Variants in TTC28 observed in about 807,000 individuals in gnomAD.
TTC28 encodes tetratricopeptide repeat protein 28.
In TTC28, 61 loss-of-function variants were observed where a neutral mutation model predicts 198.0. That is an observed-to-expected ratio of 0.31 (90% CI 0.25 to 0.38). The LOEUF is 0.38. TTC28 is among the 10% of genes least tolerant of loss of function. TTC28 has a pLI of 1.00. For missense variants in TTC28, 2,678 were observed against 3,164.0 expected, an observed-to-expected ratio of 0.85 and a Z score of 3.69; for synonymous variants, 1,171 against 1,297.8, an observed-to-expected ratio of 0.90 and a Z score of 2.10.
At chr22:28,539,832 C>G (rs1302295762) in intron 2 of TTC28, among the ~76,000 whole-genome samples, 1 of 151,548 alleles carries the variant, frequency 6.6e-6, no homozygotes, top group Non-Finnish European at 1.5e-5. Context: ...AAGAAACACC[C>G]GAGACTAGGT....
chr22:28,202,115 A>C (rs142315830), intron 5 of TTC28, among the ~76,000 whole-genome samples: 2 of 152,264 alleles, frequency 1.3e-5, no homozygotes, highest in East Asian at 3.9e-4. Context: ...CAGGGTATCA[A>C]GTGGCAAGGC....
At chr22:28,127,894 A>T (rs1424921412) in intron 6 of TTC28, among the ~76,000 whole-genome samples, 2 of 137,652 alleles carry the variant, frequency 1.5e-5, no homozygotes, top group Admixed American at 7.3e-5. Context: ...TGCCTGGCTA[A>T]TTTTTTTTTT....
intron 5 of TTC28, among the ~76,000 whole-genome samples, chr22:28,280,338 T>G (rs1408191940): frequency 1.3e-5 from 2 of 152,046 alleles, no homozygotes; most frequent in African/African-American, 4.8e-5. Flanking sequence ...AAAAAATTTT[T>G]TTTTTGAGAT....
chr22:28,640,813 C>G (rs994493464), intron 1 of TTC28, among the ~76,000 whole-genome samples: 1 of 151,918 alleles, frequency 6.6e-6, no homozygotes, highest in Non-Finnish European at 1.5e-5. Flanking sequence ...TACGGCAGGT[C>G]CTAGAAAAGA....
At chr22:28,422,124 A>C (rs922097930) in intron 2 of TTC28, among the ~76,000 whole-genome samples, 7 of 152,212 alleles carry the variant, frequency 4.6e-5, no homozygotes, top group African/African-American at 1.7e-4. Flanking sequence ...ATCTCTGCTA[A>C]ATCAGCAGAG....
intron 2 of TTC28, among the ~76,000 whole-genome samples, chr22:28,311,810 C>T (rs909431753): frequency 1.3e-5 from 2 of 151,714 alleles, no homozygotes; most frequent in African/African-American, 4.8e-5. Context: ...TTACTCGCCC[C>T]CACACACACA....
chr22:28,481,011 C>G (rs1453813160), intron 2 of TTC28, among the ~76,000 whole-genome samples: 1 of 152,102 alleles, frequency 6.6e-6, no homozygotes, highest in Admixed American at 6.5e-5. Flanking sequence ...ACACAGCCAG[C>G]AAATAGCAGA....
intron 2 of TTC28, among the ~76,000 whole-genome samples, chr22:28,426,599 C>T (rs370344842): frequency 6.6e-6 from 1 of 152,128 alleles, no homozygotes; most frequent in South Asian, 2.1e-4. Context: ...GGGAACCACT[C>T]GGTGATCCAC....
At chr22:28,117,886 T>G (rs1942675374) in intron 6 of TTC28, among the ~76,000 whole-genome samples, 1 of 152,104 alleles carries the variant, frequency 6.6e-6, no homozygotes. Flanking sequence ...CACAACAGGG[T>G]GACTGTAGCC....
At chr22:28,009,198 G>A (rs62237562) in intron 14 of TTC28, among the ~76,000 whole-genome samples, 4 of 152,176 alleles carry the variant, frequency 2.6e-5, no homozygotes, top group South Asian at 2.1e-4. Context: ...AAAGAGCCAC[G>A]ACAGTGTTTC....
intron 2 of TTC28, among the ~76,000 whole-genome samples, chr22:28,390,782 C>T (rs1051384737): frequency 1.2e-4 from 18 of 152,154 alleles, no homozygotes; most frequent in Non-Finnish European, 2.6e-4. Context: ...ACTGATGGGT[C>T]TTGACTCTTT....
Position 28,157,896 on chromosome 22 carries a change from G to A in TTC28, c.1441+5196C>T, listed in dbSNP as rs549716768. 7.9e-5 allele frequency among the ~76,000 whole-genome samples: 12 copies of A among 152,176 alleles called. 1 individual carries two copies. Among genetic ancestry groups the A allele is most frequent in the African/African-American group, 2.9e-4 (12 of 41,530 alleles). On this transcript the variant is annotated intron_variant, in intron 6 of 22. Coordinates refer to ENST00000397906, the MANE Select transcript of TTC28 (RefSeq NM_001145418.2). ...ACTTTTACCACTGTTATTCAACATA[G>A]TACTGGAGGTCCTAGCTACAGCAGT...
intron 2 of TTC28, among the ~76,000 whole-genome samples, chr22:28,505,644 G>A (rs1172717463): frequency 1.3e-5 from 2 of 152,186 alleles, no homozygotes; most frequent in Non-Finnish European, 2.9e-5. Context: ...TGAAGTATCT[G>A]CAGAGCAGCC....
intron 2 of TTC28, among the ~76,000 whole-genome samples, chr22:28,402,491 G>C (rs1054851251): frequency 2.0e-5 from 3 of 152,184 alleles, no homozygotes; most frequent in Admixed American, 6.5e-5. Flanking sequence ...TCATTGGTTT[G>C]TGATCTTTGA....
At chr22:28,608,183 C>A (rs1435685895) in intron 2 of TTC28, among the ~76,000 whole-genome samples, 6 of 152,180 alleles carry the variant, frequency 3.9e-5, no homozygotes, top group African/African-American at 1.4e-4. Context: ...TATTTCTATC[C>A]CTTTTTCCTC....
At position 28,558,967 on chromosome 22, in the gene TTC28, G is replaced by A. The variant is rs947048245; in HGVS notation, c.381+70585C>T. ...GGAGAATAGCTTGAACCCGGGAGGCGGGGATTGCAGTGAGCCGAGATCACG... is the reference window on the plus strand; with the variant it reads ...GGAGAATAGCTTGAACCCGGGAGGCAGGGATTGCAGTGAGCCGAGATCACG... On this transcript the variant is annotated intron_variant, in intron 2 of 22. Transcript: ENST00000397906. Among the ~76,000 whole-genome samples the A allele has an allele frequency of 2.0e-5, 3 of 151,682 alleles. 1 individual carries two copies. Among genetic ancestry groups the A allele is most frequent in the South Asian group, 4.2e-4 (2 of 4,802 alleles).
intron 6 of TTC28, among the ~76,000 whole-genome samples, chr22:28,148,805 G>A (rs1943538998): frequency 6.6e-6 from 1 of 151,896 alleles, no homozygotes; most frequent in African/African-American, 2.4e-5. Flanking sequence ...TGGTCTCTGG[G>A]GTCAGAAGCA....
chr22:28,057,861 C>A lies in TTC28; in HGVS notation c.3933-27495G>T, dbSNP rs530107089. On this transcript the variant is annotated intron_variant, in intron 12 of 22. Coordinates refer to ENST00000397906, the MANE Select transcript of TTC28 (RefSeq NM_001145418.2). ...TTTGTTGAAAAGACTTTCCTTTCCC[C>A]ATTGTATTGTTTTGGTATCTCTGTC... is the stretch of plus-strand genomic sequence containing the variant. Among the ~76,000 whole-genome samples, 8 of 152,164 alleles carry A rather than the reference C, an allele frequency of 5.3e-5. No homozygotes were observed. In the East Asian group the frequency reaches 1.5e-3, roughly 29 times the overall value.
intron 5 of TTC28, among the ~76,000 whole-genome samples, chr22:28,246,810 CAAG>C (rs916539585): frequency 7.2e-5 from 11 of 151,850 alleles, no homozygotes; most frequent in African/African-American, 1.2e-4. Flanking sequence ...GAAAAAATGT[CAAG>C]AAGAAGGAAG....
Sources: allele counts gnomAD v4.1 joint callset (sites outside exome capture counted in the v4.1 genomes callset), GRCh38; gene constraint gnomAD v4.1.1; transcripts MANE v1.5; gene names NCBI Gene and HGNC (gene_info 2026-07-23, HGNC 2026-07-21).